The following PRDM1 variants were observed in gnomAD, a reference collection of about 807,000 sequenced individuals.
PRDM1 encodes PR/SET domain 1, also known as PR domain zinc finger protein 1.
PRDM1 carries 13 observed loss-of-function variants against 62.8 expected under a neutral mutation model. The ratio of observed to expected loss-of-function variants is 0.21; its 90% CI spans 0.13 to 0.33. PRDM1 has a LOEUF of 0.33. Ranked by LOEUF, PRDM1 falls within the 10% of genes least tolerant of loss-of-function variation. The pLI is 1.00. For synonymous variants in PRDM1, 396 were observed against 417.6 expected (o/e 0.95, Z 0.63); for missense variants, 895 against 1,058.8 (o/e 0.85, Z 2.15).
chr6:106,001,284 TGGTATG>T (rs779425701), intron 1 of PRDM1, among the ~76,000 whole-genome samples: 43 of 152,340 alleles, frequency 2.8e-4, no homozygotes, highest in Non-Finnish European at 5.4e-4. Context: ...AATTCCTTAC[TGGTATG>T]TTTGCTGTAA....
At chr6:106,096,855 G>A (rs968802103) in intron 3 of PRDM1, among the ~76,000 whole-genome samples, 14 of 152,040 alleles carry the variant, frequency 9.2e-5, no homozygotes, top group South Asian at 4.2e-4. Flanking sequence ...TTTAGTAAGC[G>A]TTTTTTTGTG....
In PRDM1 at chr6:106,053,964, A is replaced by T. The variant is rs188645572; in HGVS notation, c.-67+5250A>T. Among the ~76,000 whole-genome samples, 15 of 152,260 alleles carry T rather than the reference A, an allele frequency of 9.9e-5. No individual in the cohort carries two copies. In the East Asian group the frequency reaches 2.9e-3, roughly 29 times the overall value. On this transcript the variant is annotated intron_variant, in intron 1 of 6. Coordinates refer to the PRDM1 transcript ENST00000651185. ...AGTACAAAGGTTATGAACCACTTGT[A>T]AAAAGTCACAGAATAAAAGCCCCTC...
In PRDM1 at chr6:106,105,348, C is replaced by T. The variant is rs1217368828; in HGVS notation, c.1188C>T (p.Pro396=). 2.5e-6 allele frequency: 4 copies of T among 1,613,522 alleles called. No individual in the cohort carries two copies. The highest frequency in any genetic ancestry group is 3.4e-6 in the Non-Finnish European group (4 of 1,179,614). The change falls in exon 5 of 7, where the codon CCC becomes CCT. Residue 396 remains proline, a synonymous_variant. Transcript: ENST00000369096. Reference sequence around the variant, plus strand: ...CCTACCCTGGCTACGCACCCCTGCCCCACCTCCCGCCAGCTTTCATCCCCT... The same window carrying T: ...CCTACCCTGGCTACGCACCCCTGCCTCACCTCCCGCCAGCTTTCATCCCCT... The part of the protein sequence containing the change: ...LGSYPGYAPL[P]HLPPAFIPSY...
intron 1 of PRDM1, among the ~76,000 whole-genome samples, chr6:106,028,278 C>T (rs1772792991): frequency 6.6e-6 from 1 of 152,168 alleles, no homozygotes; most frequent in Non-Finnish European, 1.5e-5. Context: ...CAATCCAAGA[C>T]TAAGGTTATG....
chr6:106,017,592 A>T (rs1772638093), intron 1 of PRDM1, among the ~76,000 whole-genome samples: 1 of 152,236 alleles, frequency 6.6e-6, no homozygotes, highest in Non-Finnish European at 1.5e-5. Context: ...GTTTTGGGTA[A>T]GTTCACACAG....
intron 4 of PRDM1, chr6:106,100,701 T>A (rs1582473088): frequency 6.6e-6 from 1 of 152,334 alleles, no homozygotes; most frequent in East Asian, 1.9e-4. Flanking sequence ...CACTTCATTT[T>A]ACTTGATCTC....
chr6:106,064,444 C>A (rs915186730), intron 1 of PRDM1, among the ~76,000 whole-genome samples: 1 of 152,110 alleles, frequency 6.6e-6, no homozygotes, highest in African/African-American at 2.4e-5. Context: ...AGTAAAAGAG[C>A]CTTGAAGAGG....
intron 1 of PRDM1, among the ~76,000 whole-genome samples, chr6:106,059,258 C>T (rs141945364): frequency 3.8e-4 from 58 of 152,208 alleles, no homozygotes; most frequent in African/African-American, 1.3e-3. Flanking sequence ...AATAGAGAAA[C>T]AGGCTAGGAC....
At chr6:106,003,835 G>A (rs1772454853) in intron 1 of PRDM1, among the ~76,000 whole-genome samples, 2 of 152,110 alleles carry the variant, frequency 1.3e-5, no homozygotes, top group African/African-American at 4.8e-5. Flanking sequence ...GAGTGTACTC[G>A]GTTCTCAAGG....
Position 106,105,948 on chromosome 6 carries a change from A to G in PRDM1, c.1773+15A>G, listed in dbSNP as rs541677388. 2 of 1,606,566 alleles carry G rather than the reference A, an allele frequency of 1.2e-6. No individual in the cohort carries two copies. Among genetic ancestry groups the G allele is most frequent in the South Asian group, 2.2e-5 (2 of 89,844 alleles). On this transcript the variant is annotated intron_variant, in intron 5 of 6. Transcript: ENST00000369096. Reference sequence around the variant, plus strand: ...CCAATCTGAAGGTAGGCCTTGAGAGAGAGCAGTCCAAGGGGCTGTGAGTGC... The same window carrying G: ...CCAATCTGAAGGTAGGCCTTGAGAGGGAGCAGTCCAAGGGGCTGTGAGTGC...
At chr6:106,057,716 G>A (rs1366368119) in intron 1 of PRDM1, among the ~76,000 whole-genome samples, 1 of 152,130 alleles carries the variant, frequency 6.6e-6, no homozygotes, top group African/African-American at 2.4e-5. Flanking sequence ...ATTCCTAACA[G>A]AACCATAAAT....
At chr6:106,053,299 G>A (rs897633187) in intron 1 of PRDM1, among the ~76,000 whole-genome samples, 14 of 152,192 alleles carry the variant, frequency 9.2e-5, no homozygotes, top group South Asian at 2.1e-4. Flanking sequence ...TAATCAAGTC[G>A]TTTTTGAATC....
upstream of PRDM1, among the ~76,000 whole-genome samples, chr6:106,043,810 A>G (rs528133664): frequency 6.6e-6 from 1 of 152,338 alleles, no homozygotes. Flanking sequence ...CTGGGATTAC[A>G]GGCATGAGCC....
intron 1 of PRDM1, among the ~76,000 whole-genome samples, chr6:105,998,915 ATATATATATATATATATATTTTTTTT>A (rs1374108201): frequency 2.4e-3 from 15 of 6,176 alleles, no homozygotes; most frequent in South Asian, 0.014. Context: ...ATATATATAT[ATATATATATATATATATATTTTTTTT>A]TTTTTTTTTC....
At chr6:106,039,918 C>T (rs1206332614) in intron 1 of PRDM1, among the ~76,000 whole-genome samples, 1 of 152,200 alleles carries the variant, frequency 6.6e-6, no homozygotes, top group African/African-American at 2.4e-5. Context: ...GGTTTTATTT[C>T]CTAGTAAAGG....
chr6:106,058,649 C>T (rs749207643), intron 1 of PRDM1, among the ~76,000 whole-genome samples: 4 of 151,990 alleles, frequency 2.6e-5, no homozygotes. Context: ...CTCGGCTCAC[C>T]GCAACCTCTG....
At position 106,105,346 on chromosome 6, in the gene PRDM1, C is replaced by A. The variant is rs778199492; in HGVS notation, c.1186C>A (p.Pro396Thr). 1.9e-6 allele frequency: 3 copies of A among 1,613,304 alleles called. No homozygotes were observed. The highest frequency in any genetic ancestry group is 1.1e-5 in the South Asian group (1 of 91,004). Residue 396 changes from proline to threonine, a missense_variant, in exon 5 of 7, where the codon CCC (proline) becomes ACC (threonine). Pro to Thr is a conservative substitution (Grantham distance 38, BLOSUM62 -1). Coordinates refer to ENST00000369096, the MANE Select transcript of PRDM1 (RefSeq NM_001198.4). The part of the protein sequence containing the change: ...LGSYPGYAPL[P>T]HLPPAFIPSY... Reference sequence around the variant, plus strand: ...CTCCTACCCTGGCTACGCACCCCTGCCCCACCTCCCGCCAGCTTTCATCCC... The same window carrying A: ...CTCCTACCCTGGCTACGCACCCCTGACCCACCTCCCGCCAGCTTTCATCCC...
At chr6:106,068,246 G>A (rs772647740) in intron 1 of PRDM1, among the ~76,000 whole-genome samples, 18 of 151,854 alleles carry the variant, frequency 1.2e-4, no homozygotes, top group Non-Finnish European at 2.1e-4. Context: ...CGGATGCCAC[G>A]ACGCCCAGCC....
chr6:106,033,769 G>T (rs1772882746), intron 1 of PRDM1, among the ~76,000 whole-genome samples: 1 of 152,046 alleles, frequency 6.6e-6, no homozygotes, highest in East Asian at 1.9e-4. Flanking sequence ...AATGAGTAAA[G>T]AAATGTTCTT....
Sources: gnomAD v4.1 joint callset for allele counts (sites outside exome capture counted in the v4.1 genomes callset) on GRCh38, gnomAD v4.1.1 for gene constraint, MANE v1.5 for transcripts, NCBI Gene and HGNC (gene_info 2026-07-23, HGNC 2026-07-21) for gene names.